MCF2L2: variants seen among roughly 807,000 people sequenced by gnomAD.
The protein encoded by MCF2L2 is MCF.2 cell line derived transforming sequence-like 2.
In MCF2L2, 102 loss-of-function variants were observed where a neutral mutation model predicts 150.2. That is an observed-to-expected ratio of 0.68 (90% CI 0.58 to 0.80). The LOEUF is 0.80. Ranked by LOEUF, MCF2L2 falls within the 30% of genes least tolerant of loss-of-function variation. The probability of loss-of-function intolerance (pLI) is 0.00; values close to 1 mark genes in which losing one functional copy is unlikely to be tolerated. For missense variants in MCF2L2, 1,256 were observed against 1,372.8 expected (o/e 0.91, Z 1.34); for synonymous variants, 465 against 491.3 (o/e 0.95, Z 0.71).
At chr3:183,380,392 T>C (rs935414357) in intron 2 of MCF2L2, among the ~76,000 whole-genome samples, 1 of 152,108 alleles carries the variant, frequency 6.6e-6, no homozygotes, top group African/African-American at 2.4e-5. Context: ...CTACTTGAGG[T>C]AGTTCCCTAT....
chr3:183,220,246 A>AT (rs1329789861), intron 20 of MCF2L2, among the ~76,000 whole-genome samples: 1 of 151,294 alleles, frequency 6.6e-6, no homozygotes, highest in Non-Finnish European at 1.5e-5. Context: ...CAGATAAACC[A>AT]TTTTTCTCAT....
intron 15 of MCF2L2, among the ~76,000 whole-genome samples, chr3:183,235,437 T>C (rs1263753196): frequency 1.2e-5 from 1 of 84,986 alleles, no homozygotes. Flanking sequence ...TTTGCATTTC[T>C]CTGATGGCCA....
chr3:183,326,668 T>C (rs1488067726), intron 5 of MCF2L2, among the ~76,000 whole-genome samples: 1 of 151,708 alleles, frequency 6.6e-6, no homozygotes, highest in Non-Finnish European at 1.5e-5. Context: ...CTTACATAAT[T>C]ACAGTACAAT....
At chr3:183,361,701 G>A (rs7617278) in intron 3 of MCF2L2, among the ~76,000 whole-genome samples, 8 of 150,360 alleles carry the variant, frequency 5.3e-5, no homozygotes, top group Admixed American at 3.3e-4. Context: ...GTGTGAGAAC[G>A]GACAAGTACA....
chr3:183,310,834 C>A, intron 9 of MCF2L2, 81 bp downstream of exon 9: 3 of 893,346 alleles, frequency 3.4e-6, no homozygotes, highest in East Asian at 2.6e-5. Context: ...AGGGAAACCC[C>A]ATACCAAAGA....
intron 3 of MCF2L2, among the ~76,000 whole-genome samples, chr3:183,343,327 C>T (rs7637804): frequency 0.032 from 4,837 of 150,776 alleles, 233 homozygotes; most frequent in African/African-American, 0.11. Flanking sequence ...AATAGGCAGG[C>T]AAATGAATGA....
intron 1 of MCF2L2, among the ~76,000 whole-genome samples, chr3:183,419,442 T>C (rs1715764398): frequency 6.6e-6 from 1 of 152,268 alleles, no homozygotes. Flanking sequence ...AATGGGTTTT[T>C]CTTTTCTACC....
At chr3:183,366,520 C>T (rs114887172) in intron 3 of MCF2L2, among the ~76,000 whole-genome samples, 6,926 of 152,180 alleles carry the variant, frequency 0.046, 264 homozygotes, top group Non-Finnish European at 0.066. Context: ...TGGTGTGTGC[C>T]AGTAATCCCA....
chr3:183,337,519 C>T (rs1464648929), intron 5 of MCF2L2, among the ~76,000 whole-genome samples: 1 of 146,336 alleles, frequency 6.8e-6, no homozygotes, highest in African/African-American at 2.6e-5. Context: ...CGCCACTGCA[C>T]TCCAGCCTGG....
intron 2 of MCF2L2, among the ~76,000 whole-genome samples, chr3:183,379,694 G>A (rs1277507407): frequency 1.3e-5 from 2 of 152,096 alleles, no homozygotes; most frequent in African/African-American, 4.8e-5. Flanking sequence ...AGTAAATAAT[G>A]CCAACACAAA....
chr3:183,200,371 G>A (rs891690871), intron 25 of MCF2L2, among the ~76,000 whole-genome samples: 24 of 152,166 alleles, frequency 1.6e-4, no homozygotes, highest in African/African-American at 5.6e-4. Context: ...TTTCTCTGAT[G>A]GCCAGTGATG....
At chr3:183,243,216 G>A (rs1724107966) in intron 15 of MCF2L2, among the ~76,000 whole-genome samples, 1 of 152,170 alleles carries the variant, frequency 6.6e-6, no homozygotes, top group African/African-American at 2.4e-5. Flanking sequence ...GGACTGTTGG[G>A]AAGGCATGAT....
intron 14 of MCF2L2, among the ~76,000 whole-genome samples, chr3:183,287,309 T>C (rs1727850701): frequency 6.6e-6 from 1 of 152,190 alleles, no homozygotes; most frequent in Non-Finnish European, 1.5e-5. Context: ...AAACATGTTG[T>C]CTGAAGATGG....
intron 5 of MCF2L2, among the ~76,000 whole-genome samples, chr3:183,326,162 C>T (rs887055827): frequency 3.3e-5 from 5 of 152,038 alleles, no homozygotes; most frequent in Admixed American, 2.6e-4. Context: ...CTGATAGACC[C>T]ACACAAATAC....
chr3:183,381,741 A>G (rs1713538784), intron 2 of MCF2L2, among the ~76,000 whole-genome samples: 1 of 152,004 alleles, frequency 6.6e-6, no homozygotes, highest in South Asian at 2.1e-4. Flanking sequence ...TAAATTTCCA[A>G]AGATGAGATC....
chr3:183,251,241 G>A (rs756621909), intron 15 of MCF2L2, among the ~76,000 whole-genome samples: 1 of 152,184 alleles, frequency 6.6e-6, no homozygotes, highest in African/African-American at 2.4e-5. Flanking sequence ...CGCTAAACAG[G>A]TCAAGCCTGA....
At position 183,267,784 on chromosome 3, in the gene MCF2L2, G is replaced by A. The variant is rs1207627861; in HGVS notation, c.1862+9088C>T. 6.6e-6 allele frequency among the ~76,000 whole-genome samples: 1 copy of A among 152,226 alleles called. No homozygotes were observed. Among genetic ancestry groups the A allele is most frequent in the Non-Finnish European group, 1.5e-5 (1 of 68,032 alleles). On this transcript the variant is annotated intron_variant, in intron 15 of 29. Coordinates refer to ENST00000328913, the MANE Select transcript of MCF2L2 (RefSeq NM_015078.4). The surrounding 1 kb of genome is among the most constrained non-coding windows in gnomAD (Gnocchi z 5.5). ...GGTGGAGGAAAAGAGAGGACCTGGT[G>A]TAAGCAGCCATGGCATGGACCTCAT...
At chr3:183,221,487 C>T (rs779859630) in intron 20 of MCF2L2, among the ~76,000 whole-genome samples, 5 of 152,138 alleles carry the variant, frequency 3.3e-5, no homozygotes, top group Admixed American at 6.6e-5. Flanking sequence ...GTTAAACTCT[C>T]GAGTCTGTGT....
At chr3:183,313,071 A>T (rs1560016604) in intron 7 of MCF2L2, among the ~76,000 whole-genome samples, 1 of 152,230 alleles carries the variant, frequency 6.6e-6, no homozygotes, top group East Asian at 1.9e-4. Context: ...ATAAATTAAT[A>T]ACAGCCTAAA....
Sources: gnomAD v4.1 joint callset for allele counts (sites outside exome capture counted in the v4.1 genomes callset) on GRCh38, gnomAD v4.1.1 for gene constraint, Gnocchi (gnomAD v3.1) non-coding constraint, MANE v1.5 for transcripts, NCBI Gene and HGNC (gene_info 2026-07-23, HGNC 2026-07-21) for gene names.